AKAP19: variants seen among roughly 807,000 people sequenced by gnomAD.
AKAP19 encodes the protein small A-kinase anchoring protein.
chr2:190,082,538 C>T, the AKAP19 span, among the ~76,000 whole-genome samples: 1 of 152,162 alleles, frequency 6.6e-6, no homozygotes, highest in Non-Finnish European at 1.5e-5. Context: ...CTATACATGC[C>T]CACATCGAAA....
At chr2:190,070,320 A>G in the AKAP19 span, among the ~76,000 whole-genome samples, 7 of 152,048 alleles carry the variant, frequency 4.6e-5, no homozygotes, top group African/African-American at 1.7e-4. Context: ...TTATATATCT[A>G]TATTCTTGAA....
the AKAP19 span, chr2:189,917,459 A>G: frequency 1.4e-6 from 1 of 710,688 alleles, no homozygotes; most frequent in Non-Finnish European, 2.5e-6. Flanking sequence ...GTTTTTCAGG[A>G]ATTACTGGTT....
At chr2:190,106,204 C>G in the AKAP19 span, among the ~76,000 whole-genome samples, 2 of 152,206 alleles carry the variant, frequency 1.3e-5, no homozygotes, top group African/African-American at 4.8e-5. Context: ...TTTGTGCTTA[C>G]ATCTAAATGG....
chr2:190,113,712 A>C, the AKAP19 span, among the ~76,000 whole-genome samples: 3 of 152,202 alleles, frequency 2.0e-5, no homozygotes, highest in Non-Finnish European at 2.9e-5. Context: ...TCTGGAGTGC[A>C]TTCTGCATGA....
the AKAP19 span, among the ~76,000 whole-genome samples, chr2:190,096,008 G>A: frequency 6.6e-6 from 1 of 152,172 alleles, no homozygotes; most frequent in South Asian, 2.1e-4. Flanking sequence ...TTAGACCTCG[G>A]TGGTGTGGGT....
chr2:190,188,640 G>A, the AKAP19 span, among the ~76,000 whole-genome samples: 2 of 152,160 alleles, frequency 1.3e-5, no homozygotes, highest in South Asian at 2.1e-4. Flanking sequence ...GAAATTATAC[G>A]AAGTTTGTTC....
chr2:190,180,357 G>A, the AKAP19 span: 1 of 631,140 alleles, frequency 1.6e-6, no homozygotes, highest in Non-Finnish European at 2.0e-6. The surrounding 1 kb of genome is among the most constrained non-coding windows in gnomAD (Gnocchi z 6.8). Flanking sequence ...TCCCAAGGCA[G>A]GCCCCGCGGG....
the AKAP19 span, among the ~76,000 whole-genome samples, chr2:190,136,069 T>C: frequency 6.6e-6 from 1 of 152,212 alleles, no homozygotes; most frequent in African/African-American, 2.4e-5. Flanking sequence ...TTTGGTGTCT[T>C]CCTTCTAAGG....
chr2:190,090,517 T>C, the AKAP19 span, among the ~76,000 whole-genome samples: 1 of 152,186 alleles, frequency 6.6e-6, no homozygotes, highest in Non-Finnish European at 1.5e-5. Context: ...TTGAGTCTCC[T>C]CTCCAGACTT....
chr2:190,151,522 C>G, the AKAP19 span, among the ~76,000 whole-genome samples: 54 of 152,306 alleles, frequency 3.5e-4, no homozygotes, highest in Non-Finnish European at 7.2e-4. Flanking sequence ...CAACCATTTC[C>G]CTGCAAAGGA....
At chr2:189,989,564 CA>C in the AKAP19 span, among the ~76,000 whole-genome samples, 2 of 151,166 alleles carry the variant, frequency 1.3e-5, no homozygotes, top group African/African-American at 2.4e-5. Context: ...TCAGAACATA[CA>C]AAAAAAATTG....
the AKAP19 span, among the ~76,000 whole-genome samples, chr2:190,064,431 A>T: frequency 6.6e-6 from 1 of 152,168 alleles, no homozygotes; most frequent in East Asian, 1.9e-4. Flanking sequence ...ATATGCTTAG[A>T]ATTGTATAGC....
At chr2:189,925,253 G>A in the AKAP19 span, among the ~76,000 whole-genome samples, 27 of 152,228 alleles carry the variant, frequency 1.8e-4, no homozygotes, top group Non-Finnish European at 3.1e-4. Context: ...GTGACCAGAG[G>A]CTCACAGGAA....
the AKAP19 span, among the ~76,000 whole-genome samples, chr2:189,959,278 C>G: frequency 6.6e-6 from 1 of 152,008 alleles, no homozygotes; most frequent in Admixed American, 6.6e-5. Context: ...CTTTCCCTTC[C>G]TTAGGGATAG....
the AKAP19 span, among the ~76,000 whole-genome samples, chr2:190,155,470 C>T: frequency 3.3e-5 from 5 of 152,016 alleles, no homozygotes; most frequent in African/African-American, 7.2e-5. Flanking sequence ...AAAATTAATA[C>T]AATATAATGA....
the AKAP19 span, among the ~76,000 whole-genome samples, chr2:190,061,842 A>G: frequency 6.6e-6 from 1 of 151,836 alleles, no homozygotes; most frequent in African/African-American, 2.4e-5. Context: ...GTTATTAGTG[A>G]AAAAAACTTA....
chr2:190,073,901 A>G, the AKAP19 span, among the ~76,000 whole-genome samples: 6 of 152,178 alleles, frequency 3.9e-5, no homozygotes, highest in Non-Finnish European at 5.9e-5. Flanking sequence ...AAACACAAAA[A>G]TTAGCCGGGT....
the AKAP19 span, chr2:190,057,727 A>G: frequency 7.0e-7 from 1 of 1,419,372 alleles, no homozygotes; most frequent in Non-Finnish European, 9.9e-7. Context: ...TGAAGTAATA[A>G]ACTAATAATT....
At chr2:189,987,695 T>A in the AKAP19 span, among the ~76,000 whole-genome samples, 1 of 152,228 alleles carries the variant, frequency 6.6e-6, no homozygotes, top group Non-Finnish European at 1.5e-5. Context: ...TCAGACCAGA[T>A]GTAACCAAGA....
Sources: allele counts gnomAD v4.1 joint callset (sites outside exome capture counted in the v4.1 genomes callset), GRCh38; gene constraint gnomAD v4.1.1; non-coding constraint Gnocchi (gnomAD v3.1); transcripts MANE v1.5; gene names NCBI Gene and HGNC (gene_info 2026-07-23, HGNC 2026-07-21).